SLC35A5: variants seen among roughly 807,000 people sequenced by gnomAD.
SLC35A5 encodes the protein solute carrier family 35 member A5.
A neutral mutation model predicts 36.3 loss-of-function variants in SLC35A5; 28 were observed. The observed-to-expected ratio is 0.77, with a 90% CI of 0.57 to 1.06. The LOEUF (loss-of-function observed/expected upper bound fraction) is 1.06, where lower values mean the gene tolerates loss of function less well. Among genes scored for constraint, SLC35A5 ranks in the 50% least tolerant of loss-of-function variants. The pLI is 0.00. For synonymous variants in SLC35A5, 180 were observed against 173.7 expected (o/e 1.04, Z -0.29); for missense variants, 521 against 499.3 (o/e 1.04, Z -0.41).
intron 2 of SLC35A5, among the ~76,000 whole-genome samples, chr3:112,563,796 A>G (rs758237540): frequency 2.6e-5 from 4 of 152,242 alleles, no homozygotes; most frequent in Non-Finnish European, 5.9e-5. Context: ...TGTTAATTCA[A>G]TCAACAGGTG....
chr3:112,581,181 C>G lies in SLC35A5; in HGVS notation c.1064C>G (p.Pro355Arg). The G allele has an allele frequency of 6.2e-7, 1 of 1,613,820 alleles. No individual in the cohort carries two copies. Among genetic ancestry groups the G allele is most frequent in the African/African-American group, 1.3e-5 (1 of 74,908 alleles). Residue 355 changes from proline to arginine, a missense_variant, in exon 6 of 7, where the codon CCC (proline) becomes CGC (arginine). Pro to Arg is a moderately radical substitution (Grantham distance 103, BLOSUM62 -2). Coordinates refer to ENST00000492406, the MANE Select transcript of SLC35A5 (RefSeq NM_017945.5). Reference protein sequence around the residue: ...TVSVLVFDFRPSLEFFLEAPS... With the variant: ...TVSVLVFDFRRSLEFFLEAPS... ...TCTGTCCTGGTCTTTGACTTCAGGC[C>G]CTCCCTGGAATTTTTCTTGGAAGCC...
Position 112,580,536 on chromosome 3 carries a change from CT to C in SLC35A5, c.429-7del. 1 of 1,576,608 alleles carries C rather than the reference CT, an allele frequency of 6.3e-7. No homozygotes were observed. ...ACAGTAGTAAAATCTTTTTTTTCATCTTTGAACAGGAGGCGTCTAAACTGGA... is the reference window on the plus strand; with the variant it reads ...ACAGTAGTAAAATCTTTTTTTTCATCTTGAACAGGAGGCGTCTAAACTGGA... On this transcript the variant is annotated splice_polypyrimidine_tract_variant and intron_variant, in intron 5 of 6. Coordinates refer to ENST00000492406, the MANE Select transcript of SLC35A5 (RefSeq NM_017945.5).
At position 112,582,430 on chromosome 3, in the gene SLC35A5, G is replaced by A. The variant is rs574725889; in HGVS notation, c.1210-241G>A. 3.0e-3 allele frequency among the ~76,000 whole-genome samples: 462 copies of A among 152,242 alleles called. 4 individuals are homozygous for A. Among genetic ancestry groups the A allele is most frequent in the African/African-American group, 0.011 (445 of 41,552 alleles). ...TAATCATTTTTCTGCAAGACCAGCA[G>A]GTGGTGCTCCTCACTTTGCTCATGT... On this transcript the variant is annotated intron_variant, in intron 6 of 6. Coordinates refer to ENST00000492406, the MANE Select transcript of SLC35A5 (RefSeq NM_017945.5).
Position 112,585,285 on chromosome 3 carries a change from G to A in SLC35A5, c.*2549G>A, listed in dbSNP as rs1489486410. 1 of 152,082 alleles carries A rather than the reference G, an allele frequency of 6.6e-6. No homozygotes were observed. The highest frequency in any genetic ancestry group is 6.6e-5 in the Admixed American group (1 of 15,252). 9.4% of individuals were successfully genotyped at this position (152,082 alleles called of 1,614,324 possible). On this transcript the variant is annotated 3_prime_UTR_variant, in exon 7 of 7. Transcript: ENST00000492406. ...AACTTACTATCATGAGAACAGCATG[G>A]GGGAAACTGCCCCCATGATTCAATT...
chr3:112,569,321 T>C (rs780082501), intron 3 of SLC35A5, 52 bp downstream of exon 3: 1 of 1,385,020 alleles, frequency 7.2e-7, no homozygotes. Context: ...CCAAAAAATG[T>C]TAGAACTGGA....
rs546774909 is a variant in SLC35A5, at chr3:112,584,979, C to T, written c.*2243C>T. 6.6e-6 allele frequency: 1 copy of T among 152,248 alleles called. No individual in the cohort carries two copies. The highest frequency in any genetic ancestry group is 1.9e-4 in the East Asian group (1 of 5,178). The allele number at this position is 152,248 out of a possible 1,614,324, so 9.4% of individuals were successfully genotyped here. A position where few individuals can be genotyped will look rare whatever the true frequency, so the allele number is the denominator to read the frequency against. ...ACATGTTCTCACTTATAAGTGGGAG[C>T]TAAACAGTGGGTACATGTGGACACA... On this transcript the variant is annotated 3_prime_UTR_variant, in exon 7 of 7. Transcript: ENST00000492406.
At chr3:112,569,045 C>CT in intron 2 of SLC35A5, 126 bp from the exon 3 acceptor site, 2 of 703,714 alleles carry the variant, frequency 2.8e-6, no homozygotes, top group Non-Finnish European at 4.5e-6. Context: ...GCAAAGGCAA[C>CT]TGGAAGAAAC....
rs1225983978 is a variant in SLC35A5 at position 112,582,974 on chromosome 3, T to C, written c.*238T>C. 1 of 476,536 alleles carries C rather than the reference T, an allele frequency of 2.1e-6. No individual in the cohort carries two copies. Among genetic ancestry groups the C allele is most frequent in the Non-Finnish European group, 3.7e-6 (1 of 271,272 alleles). 29.5% of individuals were successfully genotyped at this position (476,536 alleles called of 1,614,324 possible). On this transcript the variant is annotated 3_prime_UTR_variant, in exon 7 of 7. Coordinates refer to ENST00000492406, the MANE Select transcript of SLC35A5 (RefSeq NM_017945.5). The stretch of plus-strand genomic sequence containing the variant: ...AAGAATTCATTAATATCTCAGTACT[T>C]GATAAATCAGAAAGTTATATGTGCA...
At chr3:112,561,444 T>C (rs1343170079), upstream of SLC35A5, 2 of 1,605,054 alleles carry the variant, frequency 1.2e-6, no homozygotes, top group South Asian at 2.2e-5. Flanking sequence ...CCGGCAACCC[T>C]GGCCTGGCTT....
At chr3:112,574,623 TTAATGA>T (rs1415008970) in intron 5 of SLC35A5, among the ~76,000 whole-genome samples, 3 of 152,100 alleles carry the variant, frequency 2.0e-5, no homozygotes, top group African/African-American at 4.8e-5. Context: ...AATTTCTTAC[TTAATGA>T]TAATGATTAA....
rs1352443133 is a variant in SLC35A5 at position 112,585,253 on chromosome 3, T to C, written c.*2517T>C. ...CAGATGCTTATAAAACCATCAGATCTCATGAGAACTTACTATCATGAGAAC... is the reference window on the plus strand; with the variant it reads ...CAGATGCTTATAAAACCATCAGATCCCATGAGAACTTACTATCATGAGAAC... On this transcript the variant is annotated 3_prime_UTR_variant, in exon 7 of 7. Transcript: ENST00000492406. 2 of 152,076 alleles carry C rather than the reference T, an allele frequency of 1.3e-5. No homozygotes were observed. Among genetic ancestry groups the C allele is most frequent in the Admixed American group, 6.6e-5 (1 of 15,252 alleles). The allele number at this position is 152,076 out of a possible 1,614,324, so 9.4% of individuals were successfully genotyped here. A position where few individuals can be genotyped will look rare whatever the true frequency, so the allele number is the denominator to read the frequency against.
intron 5 of SLC35A5, among the ~76,000 whole-genome samples, chr3:112,580,177 G>C (rs531468924): frequency 2.0e-4 from 31 of 152,212 alleles, no homozygotes; most frequent in Non-Finnish European, 3.7e-4. Flanking sequence ...CATTCTTTCT[G>C]GTTCTGGGAA....
intron 2 of SLC35A5, among the ~76,000 whole-genome samples, chr3:112,567,845 T>C (rs1263810865): frequency 6.6e-6 from 1 of 152,240 alleles, no homozygotes; most frequent in African/African-American, 2.4e-5. Context: ...TTGAAAGTTA[T>C]AATCCAAAGT....
intron 5 of SLC35A5, among the ~76,000 whole-genome samples, chr3:112,575,758 CTTT>C (rs36050657): frequency 1.6e-5 from 2 of 128,158 alleles, no homozygotes; most frequent in Non-Finnish European, 1.6e-5. Flanking sequence ...TATTTTATTA[CTTT>C]TTTTTTTTTT....
intron 6 of SLC35A5, 47 bp from the exon 7 acceptor site, chr3:112,582,624 T>C: frequency 6.7e-7 from 1 of 1,489,212 alleles, no homozygotes; most frequent in Non-Finnish European, 9.4e-7. Context: ...TTAAAAATGC[T>C]ACATTTCCAG....
In SLC35A5 at chr3:112,582,807, T is replaced by C. The variant is rs1934992398; in HGVS notation, c.*71T>C. ...TTTTCAGTGTTTGTAATATTTATCT[T>C]TTCACTTTGATAAACCAGAAATGTT... On this transcript the variant is annotated 3_prime_UTR_variant, in exon 7 of 7. Coordinates refer to ENST00000492406, the MANE Select transcript of SLC35A5 (RefSeq NM_017945.5). 8 of 1,272,618 alleles carry C rather than the reference T, an allele frequency of 6.3e-6. No individual in the cohort carries two copies. The highest frequency in any genetic ancestry group is 7.9e-6 in the Non-Finnish European group (7 of 883,234). 78.8% of individuals were successfully genotyped at this position (1,272,618 alleles called of 1,614,324 possible).
chr3:112,583,264 C>G lies in SLC35A5; in HGVS notation c.*528C>G. 2.5e-6 allele frequency: 1 copy of G among 396,070 alleles called. No homozygotes were observed. 24.5% of individuals were successfully genotyped at this position (396,070 alleles called of 1,614,324 possible). Reference sequence around the variant, plus strand: ...GAAGGACCTAAATACCTGGCCATACCATAGATTTGGGATGATGTAGTCTGT... The same window carrying G: ...GAAGGACCTAAATACCTGGCCATACGATAGATTTGGGATGATGTAGTCTGT... On this transcript the variant is annotated 3_prime_UTR_variant, in exon 7 of 7. Transcript: ENST00000492406.
chr3:112,567,436 G>A lies in SLC35A5; in HGVS notation c.131-1735G>A, dbSNP rs112680203. Reference sequence around the variant, plus strand: ...GCCTCCCGAATAGCTGAGATTACAGGCATGTGCCACCATGCTCAGCTATTT... The same window carrying A: ...GCCTCCCGAATAGCTGAGATTACAGACATGTGCCACCATGCTCAGCTATTT... On this transcript the variant is annotated intron_variant, in intron 2 of 6. Coordinates refer to ENST00000492406, the MANE Select transcript of SLC35A5 (RefSeq NM_017945.5). Among the ~76,000 whole-genome samples the A allele has an allele frequency of 5.2e-3, 794 of 152,098 alleles. 7 individuals carry two copies. Among genetic ancestry groups the A allele is most frequent in the African/African-American group, 0.019 (774 of 41,522 alleles).
intron 5 of SLC35A5, among the ~76,000 whole-genome samples, chr3:112,576,201 C>T (rs1934666997): frequency 6.6e-6 from 1 of 151,750 alleles, no homozygotes; most frequent in African/African-American, 2.4e-5. Context: ...AATCTCAGCT[C>T]ACTGCAACCT....
Sources: gnomAD v4.1 joint callset for allele counts (sites outside exome capture counted in the v4.1 genomes callset) on GRCh38, gnomAD v4.1.1 for gene constraint, MANE v1.5 for transcripts, NCBI Gene and HGNC (gene_info 2026-07-23, HGNC 2026-07-21) for gene names.